The following PCDH1 variants were observed in gnomAD, a reference collection of about 807,000 sequenced individuals.
The protein encoded by PCDH1 is protocadherin-1.
PCDH1 carries 23 observed loss-of-function variants against 74.6 expected under a neutral mutation model. The ratio of observed to expected loss-of-function variants is 0.31; its 90% CI spans 0.22 to 0.44. PCDH1 has a LOEUF of 0.44. PCDH1 is among the 20% of genes least tolerant of loss of function. The probability of loss-of-function intolerance (pLI) is 1.00; values close to 1 mark genes in which losing one functional copy is unlikely to be tolerated. For synonymous variants in PCDH1, 647 were observed against 686.1 expected (o/e 0.94, Z 0.89); for missense variants, 1,214 against 1,641.4 (o/e 0.74, Z 4.50).
chr5:141,873,451 G>A (rs775581005), intron 1 of PCDH1, among the ~76,000 whole-genome samples: 3 of 135,908 alleles, frequency 2.2e-5, no homozygotes, highest in African/African-American at 8.3e-5. Context: ...TCCTGCAAAC[G>A]TTTTTTTTTT....
rs759755680 is a variant in PCDH1 at position 141,868,842 on chromosome 5, C to A, written c.630G>T (p.Gly210=). ...GCCCAAATAGCTCCTGGGCCTCAGGCCCAGCCTGCAGCTCATAGGATGCCA... is the reference window on the plus strand; with the variant it reads ...GCCCAAATAGCTCCTGGGCCTCAGGACCAGCCTGCAGCTCATAGGATGCCA... ...NGVASYELQA[G]PEAQELFGLQ... is the part of the protein sequence containing the mutation. The change falls in exon 2 of 5, where the codon GGG becomes GGT. Residue 210 remains glycine, a synonymous_variant. Coordinates refer to ENST00000287008, the MANE Select transcript of PCDH1 (RefSeq NM_032420.5). The surrounding 1 kb of genome is among the most constrained non-coding windows in gnomAD (Gnocchi z 4.8). 1.2e-5 allele frequency: 19 copies of A among 1,614,250 alleles called. No homozygotes were observed. The highest frequency in any genetic ancestry group is 1.7e-5 in the Admixed American group (1 of 60,038).
chr5:141,856,796 C>T (rs963055559), intron 4 of PCDH1, among the ~76,000 whole-genome samples: 8 of 152,126 alleles, frequency 5.3e-5, no homozygotes, highest in African/African-American at 1.9e-4. Flanking sequence ...CATCCAGGGC[C>T]CAATCTCTAT....
Position 141,864,947 on chromosome 5 carries a change from T to C in PCDH1, c.1384A>G (p.Thr462Ala), listed in dbSNP as rs762116965. Reference sequence around the variant, plus strand: ...TTGACCTTCTCGTAGTCTAGCGGGGTGGTAGTCTGCAGGAAATACTTCTTC... The same window carrying C: ...TTGACCTTCTCGTAGTCTAGCGGGGCGGTAGTCTGCAGGAAATACTTCTTC... Reference protein sequence around the residue: ...SKKKYFLQTTTPLDYEKVKDY... With the variant: ...SKKKYFLQTTAPLDYEKVKDY... The change falls in exon 3 of 5, where the codon ACC (threonine) becomes GCC (alanine). Residue 462 changes from threonine (T) to alanine (A), a missense_variant. By Grantham distance (58) the Thr-to-Ala change is moderately conservative. Around this residue, in one of 4 missense-constraint regions of PCDH1, gnomAD observed 836 missense variants for 1,182.2 expected, o/e 0.71. Coordinates refer to ENST00000287008, the MANE Select transcript of PCDH1 (RefSeq NM_032420.5). The surrounding 1 kb of genome is among the most constrained non-coding windows in gnomAD (Gnocchi z 5.9). 1.2e-6 allele frequency: 2 copies of C among 1,613,848 alleles called. No homozygotes were observed. Among genetic ancestry groups the C allele is most frequent in the South Asian group, 2.2e-5 (2 of 91,058 alleles).
At chr5:141,855,109 C>T (rs1441427713) in intron 4 of PCDH1, among the ~76,000 whole-genome samples, 1 of 151,966 alleles carries the variant, frequency 6.6e-6, no homozygotes, top group African/African-American at 2.4e-5. Context: ...ATATCTGTGA[C>T]TATAGGCATG....
Position 141,869,232 on chromosome 5 carries a change from G to A in PCDH1, c.240C>T (p.Asp80=). The A allele has an allele frequency of 6.2e-7, 1 of 1,613,818 alleles. No individual in the cohort carries two copies. ...PNTLIGSLAA[D]YGFPDVGHLY... is the part of the protein sequence containing the mutation. ...GGTGCCCCACATCTGGAAAACCATA[G>A]TCGGCTGCGAGGCTCCCAATGAGGG... is the stretch of plus-strand genomic sequence containing the variant. Residue 80 remains aspartate (D), a synonymous_variant, in exon 2 of 5, where the codon GAC becomes GAT. Transcript: ENST00000287008. The surrounding 1 kb of genome is among the most constrained non-coding windows in gnomAD (Gnocchi z 4.9).
chr5:141,853,937 G>T lies in PCDH1; in HGVS notation c.*105C>A. On this transcript the variant is annotated 3_prime_UTR_variant, in exon 5 of 5. Transcript: ENST00000287008. ...CAGTGATACCCCCACTTGGGGCCCTGGCCAGGAAGTCCACGCTGAAGGGGT... is the reference window on the plus strand; with the variant it reads ...CAGTGATACCCCCACTTGGGGCCCTTGCCAGGAAGTCCACGCTGAAGGGGT... 9.3e-7 allele frequency: 1 copy of T among 1,079,760 alleles called. No individual in the cohort carries two copies. The highest frequency in any genetic ancestry group is 1.3e-6 in the Non-Finnish European group (1 of 781,232). The allele number at this position is 1,079,760 out of a possible 1,614,324, so 66.9% of individuals were successfully genotyped here. A position where few individuals can be genotyped will look rare whatever the true frequency, so the allele number is the denominator to read the frequency against.
At chr5:141,870,104 C>T (rs1330397654) in intron 1 of PCDH1, among the ~76,000 whole-genome samples, 1 of 152,210 alleles carries the variant, frequency 6.6e-6, no homozygotes, top group East Asian at 1.9e-4. Flanking sequence ...TTCTGACAAT[C>T]ACCCACGGTG....
Position 141,865,495 on chromosome 5 carries a change from C to T in PCDH1, c.904-68G>A. The T allele has an allele frequency of 6.6e-7, 1 of 1,513,244 alleles. No individual in the cohort carries two copies. Among genetic ancestry groups the T allele is most frequent in the Non-Finnish European group, 8.9e-7 (1 of 1,117,958 alleles). The allele number at this position is 1,513,244 out of a possible 1,614,324, so 93.7% of individuals were successfully genotyped here. A position where few individuals can be genotyped will look rare whatever the true frequency, so the allele number is the denominator to read the frequency against. The stretch of plus-strand genomic sequence containing the variant: ...AGATCAGGGATAGCAAATAAAGGGG[C>T]ACACATGCTGCCAATGTCCTTTCCA... On this transcript the variant is annotated intron_variant, in intron 2 of 4. Coordinates refer to ENST00000287008, the MANE Select transcript of PCDH1 (RefSeq NM_032420.5). The surrounding 1 kb of genome is among the most constrained non-coding windows in gnomAD (Gnocchi z 4.4).
At chr5:141,856,304 C>G in intron 4 of PCDH1, 1 of 1,443,862 alleles carries the variant, frequency 6.9e-7, no homozygotes, top group Non-Finnish European at 9.4e-7. Context: ...TGAGATCGCG[C>G]ATGGAGGGGC....
Position 141,878,267 on chromosome 5 carries a change from C to A in PCDH1, c.-5G>T. On this transcript the variant is annotated 5_prime_UTR_variant, in exon 1 of 5. Coordinates refer to ENST00000287008, the MANE Select transcript of PCDH1 (RefSeq NM_032420.5). The surrounding 1 kb of genome is among the most constrained non-coding windows in gnomAD (Gnocchi z 5.5). ...GCCGCCCGCCCCGCTGTCCATGAGC[C>A]GCCGCCGGCCCCGGCCTGGGCTGCG... 2 of 1,308,504 alleles carry A rather than the reference C, an allele frequency of 1.5e-6. No individual in the cohort carries two copies. The highest frequency in any genetic ancestry group is 2.1e-5 in the South Asian group (1 of 47,466). 81.1% of individuals were successfully genotyped at this position (1,308,504 alleles called of 1,614,324 possible).
In PCDH1 at chr5:141,878,169, A is replaced by T; in HGVS notation, c.40+54T>A. The T allele has an allele frequency of 1.4e-6, 2 of 1,416,826 alleles. No individual in the cohort carries two copies. Among genetic ancestry groups the T allele is most frequent in the Non-Finnish European group, 9.2e-7 (1 of 1,083,690 alleles). The allele number at this position is 1,416,826 out of a possible 1,614,324, so 87.8% of individuals were successfully genotyped here. Reference sequence around the variant, plus strand: ...GCCCCTCCCTCAGCTCCCGCCGGCCATGACCGCTTCGGGCCCCAAGCCGCT... The same window carrying T: ...GCCCCTCCCTCAGCTCCCGCCGGCCTTGACCGCTTCGGGCCCCAAGCCGCT... On this transcript the variant is annotated intron_variant, in intron 1 of 4. Coordinates refer to ENST00000287008, the MANE Select transcript of PCDH1 (RefSeq NM_032420.5). The surrounding 1 kb of genome is among the most constrained non-coding windows in gnomAD (Gnocchi z 5.5).
intron 2 of PCDH1, among the ~76,000 whole-genome samples, chr5:141,866,394 G>T (rs184378258): frequency 6.6e-5 from 10 of 152,346 alleles, no homozygotes; most frequent in South Asian, 4.1e-4. Flanking sequence ...CAACTCCAAC[G>T]CGCACTCGAC....
At chr5:141,874,358 C>G (rs1753167654) in intron 1 of PCDH1, among the ~76,000 whole-genome samples, 1 of 152,214 alleles carries the variant, frequency 6.6e-6, no homozygotes, top group Non-Finnish European at 1.5e-5. Flanking sequence ...ACACAGCAGC[C>G]TTTGATACAT....
chr5:141,876,685 G>T lies in PCDH1; in HGVS notation c.40+1538C>A, dbSNP rs548835714. Reference sequence around the variant, plus strand: ...TGCTCCTATGCCTGCCGCGATCTCCGTTCTGGCTCCAGGGCCTGCCCGCGC... The same window carrying T: ...TGCTCCTATGCCTGCCGCGATCTCCTTTCTGGCTCCAGGGCCTGCCCGCGC... On this transcript the variant is annotated intron_variant, in intron 1 of 4. Transcript: ENST00000287008. 2.2e-3 allele frequency among the ~76,000 whole-genome samples: 337 copies of T among 152,326 alleles called. 3 individuals are homozygous for T. Among genetic ancestry groups the T allele is most frequent in the African/African-American group, 7.6e-3 (318 of 41,572 alleles).
chr5:141,872,071 G>A (rs1263017818), intron 1 of PCDH1, among the ~76,000 whole-genome samples: 2 of 151,836 alleles, frequency 1.3e-5, no homozygotes, highest in African/African-American at 4.9e-5. Flanking sequence ...TGGTGTGAAT[G>A]TTAATCTCTT....
rs1177335395 is a variant in PCDH1, at chr5:141,864,525, C to T, written c.1806G>A (p.Val602=). 6.2e-7 allele frequency: 1 copy of T among 1,613,998 alleles called. No homozygotes were observed. Among genetic ancestry groups the T allele is most frequent in the Non-Finnish European group, 8.5e-7 (1 of 1,179,998 alleles). ...TGGGGTCATTGTCATTGCAGTCCAG[C>T]ACATTGACAAGGACAGTGGCTGTGC... ...LQGTATVLVN[V]LDCNDNDPKF... Residue 602 remains valine, a synonymous_variant, in exon 3 of 5, where the codon GTG becomes GTA. Coordinates refer to ENST00000287008, the MANE Select transcript of PCDH1 (RefSeq NM_032420.5). The surrounding 1 kb of genome is among the most constrained non-coding windows in gnomAD (Gnocchi z 5.9).
At chr5:141,860,498 C>CAAA in intron 3 of PCDH1, among the ~76,000 whole-genome samples, 1 of 115,214 alleles carries the variant, frequency 8.7e-6, no homozygotes, top group South Asian at 2.8e-4. Context: ...GACCCTGTCT[C>CAAA]AAAAAAAAAA....
At position 141,869,743 on chromosome 5, in the gene PCDH1, C is replaced by T. The variant is rs1561488124; in HGVS notation, c.41-312G>A. On this transcript the variant is annotated intron_variant, in intron 1 of 4. Coordinates refer to ENST00000287008, the MANE Select transcript of PCDH1 (RefSeq NM_032420.5). The surrounding 1 kb of genome is among the most constrained non-coding windows in gnomAD (Gnocchi z 4.9). The stretch of plus-strand genomic sequence containing the variant: ...GGGCCCAAGCCCGGCTGCCCGCCCT[C>T]TTTCCTTCTTTTCCTCCTTGCTCTC... 1.0e-6 allele frequency: 1 copy of T among 985,356 alleles called. No homozygotes were observed. Among genetic ancestry groups the T allele is most frequent in the Non-Finnish European group, 1.2e-6 (1 of 829,944 alleles). The allele number at this position is 985,356 out of a possible 1,614,324, so 61.0% of individuals were successfully genotyped here. A position where few individuals can be genotyped will look rare whatever the true frequency, so the allele number is the denominator to read the frequency against.
intron 1 of PCDH1, among the ~76,000 whole-genome samples, chr5:141,873,999 G>C (rs1441740196): frequency 6.6e-6 from 1 of 152,204 alleles, no homozygotes; most frequent in Non-Finnish European, 1.5e-5. Context: ...ACCAGGACTT[G>C]AGAAACAAGA....
Sources: allele counts gnomAD v4.1 joint callset (sites outside exome capture counted in the v4.1 genomes callset), GRCh38; gene constraint gnomAD v4.1.1; regional missense constraint gnomAD v4.1.1; non-coding constraint Gnocchi (gnomAD v3.1); transcripts MANE v1.5; gene names NCBI Gene and HGNC (gene_info 2026-07-23, HGNC 2026-07-21).